The following MAN1C1 variants were observed in gnomAD, a reference collection of about 807,000 sequenced individuals.
The protein encoded by MAN1C1 is mannosyl-oligosaccharide 1,2-alpha-mannosidase IC.
MAN1C1 carries 49 observed loss-of-function variants against 71.5 expected under a neutral mutation model. The observed-to-expected ratio is 0.69, with a 90% CI of 0.54 to 0.87. The LOEUF (loss-of-function observed/expected upper bound fraction) is 0.87. Among genes scored for constraint, MAN1C1 ranks in the 40% least tolerant of loss-of-function variants. The pLI, the probability that MAN1C1 is intolerant of heterozygous loss-of-function variation, is 0.00. For missense variants in MAN1C1, 743 were observed against 835.0 expected, an observed-to-expected ratio of 0.89 and a Z score of 1.36; for synonymous variants, 352 against 343.7, an observed-to-expected ratio of 1.02 and a Z score of -0.27.
chr1:25,618,277 G>T lies in MAN1C1; in HGVS notation c.480G>T (p.Arg160Ser), dbSNP rs2045144702. 6.2e-7 allele frequency: 1 copy of T among 1,604,532 alleles called. No homozygotes were observed. Among genetic ancestry groups the T allele is most frequent in the Admixed American group, 1.7e-5 (1 of 58,190 alleles). Residue 160 changes from arginine (R) to serine (S), a missense_variant, in exon 1 of 12, where the codon AGG becomes AGT. Transcript: ENST00000374332. ...SRLRHPVLGT[R>S]ADESQEPQSQ... The stretch of plus-strand genomic sequence containing the variant: ...TCCGCCACCCGGTCCTGGGAACGAG[G>T]GCCGATGAGAGTCAGGAGCCCCAGA...
intron 2 of MAN1C1, among the ~76,000 whole-genome samples, chr1:25,703,346 C>T (rs965726425): frequency 6.6e-5 from 10 of 152,166 alleles, no homozygotes; most frequent in African/African-American, 9.7e-5. Flanking sequence ...TGAGTGGAGC[C>T]GGCACATCTA....
At position 25,617,646 on chromosome 1, in the gene MAN1C1, G is replaced by A. The variant is rs2045122061; in HGVS notation, c.-152G>A. Reference sequence around the variant, plus strand: ...CGCTCCAAACTCCCTGAACTTCGGGGACAGTCCCCCGAAGCGGCGAAACTC... The same window carrying A: ...CGCTCCAAACTCCCTGAACTTCGGGAACAGTCCCCCGAAGCGGCGAAACTC... On this transcript the variant is annotated 5_prime_UTR_variant, in exon 1 of 12. Transcript: ENST00000374332. The surrounding 1 kb of genome is among the most constrained non-coding windows in gnomAD (Gnocchi z 5.1). 1.6e-6 allele frequency: 1 copy of A among 608,178 alleles called. No homozygotes were observed. 37.7% of individuals were successfully genotyped at this position (608,178 alleles called of 1,614,324 possible). A position where few individuals can be genotyped will look rare whatever the true frequency, so the allele number is the denominator to read the frequency against.
chr1:25,709,263 G>A (rs1412807195), intron 2 of MAN1C1, among the ~76,000 whole-genome samples: 6 of 152,206 alleles, frequency 3.9e-5, no homozygotes, highest in Non-Finnish European at 7.3e-5. Flanking sequence ...TGCAGAACAC[G>A]GAGGAGGCAG....
chr1:25,770,020 G>A (rs560682201), intron 7 of MAN1C1, among the ~76,000 whole-genome samples: 14 of 152,228 alleles, frequency 9.2e-5, no homozygotes, highest in African/African-American at 2.9e-4. Flanking sequence ...CGTAGCTGCC[G>A]TGCCCATGAC....
intron 5 of MAN1C1, 22 bp from the exon 6 acceptor site, chr1:25,758,570 G>A (rs1268587797): frequency 1.2e-6 from 2 of 1,611,762 alleles, no homozygotes; most frequent in African/African-American, 1.3e-5. Context: ...GGGGATGACG[G>A]GGGCTGCTTC....
chr1:25,767,379 C>A (rs1241589237), intron 7 of MAN1C1, among the ~76,000 whole-genome samples: 2 of 37,512 alleles, frequency 5.3e-5, no homozygotes, highest in African/African-American at 2.4e-4. Flanking sequence ...CGTCCACACT[C>A]CACACACACA....
At chr1:25,671,917 T>C (rs1238896097) in intron 1 of MAN1C1, among the ~76,000 whole-genome samples, 1 of 152,164 alleles carries the variant, frequency 6.6e-6, no homozygotes, top group East Asian at 1.9e-4. Flanking sequence ...CAGTAGGAGA[T>C]GGTAGAGGTG....
intron 2 of MAN1C1, among the ~76,000 whole-genome samples, chr1:25,714,938 A>T (rs1411855609): frequency 6.6e-6 from 1 of 152,152 alleles, no homozygotes; most frequent in African/African-American, 2.4e-5. Context: ...ATGCAAAAAA[A>T]CTCAAGCCCA....
chr1:25,691,083 G>A (rs1414218058), intron 2 of MAN1C1, among the ~76,000 whole-genome samples: 1 of 152,212 alleles, frequency 6.6e-6, no homozygotes, highest in Non-Finnish European at 1.5e-5. Flanking sequence ...GTGGGAGGCC[G>A]AGGCGGGTGG....
intron 1 of MAN1C1, among the ~76,000 whole-genome samples, chr1:25,625,721 T>G (rs953540661): frequency 6.6e-6 from 1 of 152,066 alleles, no homozygotes; most frequent in Non-Finnish European, 1.5e-5. Context: ...CTCAGGAGGC[T>G]GAGGTGGGTG....
At chr1:25,664,460 T>A (rs748143098) in intron 1 of MAN1C1, among the ~76,000 whole-genome samples, 1 of 152,178 alleles carries the variant, frequency 6.6e-6, no homozygotes, top group Non-Finnish European at 1.5e-5. Flanking sequence ...TATCCCCACG[T>A]TGAACATTAT....
chr1:25,767,293 A>G (rs563559383), intron 7 of MAN1C1, among the ~76,000 whole-genome samples: 1 of 112,502 alleles, frequency 8.9e-6, no homozygotes, highest in African/African-American at 3.5e-5. Context: ...ATACACTCCT[A>G]CTCTCCCCTC....
intron 2 of MAN1C1, among the ~76,000 whole-genome samples, chr1:25,702,483 C>G (rs1177489916): frequency 1.3e-5 from 2 of 152,326 alleles, no homozygotes; most frequent in East Asian, 1.9e-4. Context: ...AGGGCCCATC[C>G]CCCCAAAACA....
chr1:25,717,999 T>TACACACACACACACACAC (rs71577794), intron 2 of MAN1C1, among the ~76,000 whole-genome samples: 4 of 148,598 alleles, frequency 2.7e-5, no homozygotes, highest in African/African-American at 9.9e-5. Context: ...TAGCTTTATT[T>TACACACACACACACACAC]ACACACACAC....
At chr1:25,704,655 G>A (rs2046494294) in intron 2 of MAN1C1, among the ~76,000 whole-genome samples, 2 of 152,216 alleles carry the variant, frequency 1.3e-5, no homozygotes, top group Admixed American at 1.3e-4. Flanking sequence ...CTTAGACTTT[G>A]CAGTTTTCCC....
Position 25,778,149 on chromosome 1 carries a change from C to T in MAN1C1, c.1302C>T (p.Thr434=), listed in dbSNP as rs1201290870. The stretch of plus-strand genomic sequence containing the variant: ...TGAATGTCTCTCCCGGGGGGCTGAC[C>T]TACATTGCCGAGTGGCGAGGGGGGA... ...YLLNVSPGGL[T]YIAEWRGGIL... Residue 434 remains threonine, a synonymous_variant, in exon 9 of 12, where the codon ACC becomes ACT. Coordinates refer to ENST00000374332, the MANE Select transcript of MAN1C1 (RefSeq NM_020379.4). This position sits in a 1 kb window ranked among gnomAD's most constrained non-coding sequence, Gnocchi z 5.5. 8.7e-6 allele frequency: 14 copies of T among 1,600,498 alleles called. No homozygotes were observed. The highest frequency in any genetic ancestry group is 2.7e-5 in the African/African-American group (2 of 74,378).
At chr1:25,763,294 G>C (rs2047384357) in intron 6 of MAN1C1, among the ~76,000 whole-genome samples, 1 of 151,884 alleles carries the variant, frequency 6.6e-6, no homozygotes, top group African/African-American at 2.4e-5. Flanking sequence ...TTTGAGACCA[G>C]CTTGGCTGAC....
intron 2 of MAN1C1, among the ~76,000 whole-genome samples, chr1:25,720,795 T>C (rs1273415190): frequency 2.0e-5 from 3 of 152,216 alleles, no homozygotes; most frequent in South Asian, 4.1e-4. Flanking sequence ...AGAAGTGTTA[T>C]AGTTTTAGCT....
intron 1 of MAN1C1, among the ~76,000 whole-genome samples, chr1:25,673,153 A>G (rs1473968286): frequency 2.0e-5 from 3 of 152,178 alleles, no homozygotes; most frequent in Non-Finnish European, 4.4e-5. Context: ...GGTTTCTGAT[A>G]TGAGCCAGCA....
Sources: allele counts gnomAD v4.1 joint callset (sites outside exome capture counted in the v4.1 genomes callset), GRCh38; gene constraint gnomAD v4.1.1; non-coding constraint Gnocchi (gnomAD v3.1); transcripts MANE v1.5; gene names NCBI Gene and HGNC (gene_info 2026-07-23, HGNC 2026-07-21).